Variants in KIF5C observed in about 807,000 individuals in gnomAD.
KIF5C encodes kinesin heavy chain isoform 5C.
In KIF5C, 18 loss-of-function variants were observed where a neutral mutation model predicts 125.2. The ratio of observed to expected loss-of-function variants is 0.14; its 90% confidence interval spans 0.10 to 0.21. The LOEUF (loss-of-function observed/expected upper bound fraction) is 0.21. KIF5C is among the 10% of genes least tolerant of loss of function. The pLI, the probability that KIF5C is intolerant of heterozygous loss-of-function variation, is 1.00. For synonymous variants in KIF5C, 405 were observed against 434.0 expected, an observed-to-expected ratio of 0.93 and a Z score of 0.83; for missense variants, 780 against 1,183.8, an observed-to-expected ratio of 0.66 and a Z score of 5.01.
At position 149,012,310 on chromosome 2, in the gene KIF5C, CTG is replaced by C. The variant is rs147341808; in HGVS notation, c.*7+629_*7+630del. Among the ~76,000 whole-genome samples, 9 of 152,320 alleles carry C rather than the reference CTG, an allele frequency of 5.9e-5. No homozygotes were observed. In the East Asian group the frequency reaches 1.5e-3, roughly 26 times the overall value. Reference sequence around the variant, plus strand: ...AAAGAGAAGAAGCAGAGAGCGAAAACTGTCATCCTGATGGAAATGGAGAAAAG... The same window carrying C: ...AAAGAGAAGAAGCAGAGAGCGAAAACTCATCCTGATGGAAATGGAGAAAAG... On this transcript the variant is annotated intron_variant, in intron 25 of 25. Transcript: ENST00000435030.
chr2:148,926,613 G>A (rs896398661), intron 2 of KIF5C, among the ~76,000 whole-genome samples: 1 of 152,162 alleles, frequency 6.6e-6, no homozygotes, highest in Non-Finnish European at 1.5e-5. Flanking sequence ...TGTGGTCGCG[G>A]TGGCCATAGA....
chr2:148,944,387 A>G (rs1682478004), intron 7 of KIF5C, among the ~76,000 whole-genome samples: 1 of 152,230 alleles, frequency 6.6e-6, no homozygotes, highest in Non-Finnish European at 1.5e-5. Flanking sequence ...ACCTCATGTA[A>G]GTGGAATCAT....
chr2:148,933,032 C>T (rs1282836557), intron 3 of KIF5C, among the ~76,000 whole-genome samples: 2 of 152,104 alleles, frequency 1.3e-5, no homozygotes, highest in Admixed American at 6.5e-5. Flanking sequence ...ATTTGCTTTC[C>T]GGGAGAAACA....
At chr2:149,000,695 G>T in intron 20 of KIF5C, 27 bp from the exon 21 acceptor site, 1 of 1,612,874 alleles carries the variant, frequency 6.2e-7, no homozygotes, top group Non-Finnish European at 8.5e-7. Flanking sequence ...CCCCTGTGGT[G>T]GTCTATGGTT....
At chr2:148,879,333 T>C (rs1681282228) in intron 1 of KIF5C, 3 of 152,254 alleles carry the variant, frequency 2.0e-5, no homozygotes, top group Admixed American at 2.0e-4. Context: ...AACTTTACTT[T>C]GGTATATTTA....
At chr2:149,000,386 T>C in intron 19 of KIF5C, 37 bp from the exon 20 acceptor site, 4 of 1,542,222 alleles carry the variant, frequency 2.6e-6, no homozygotes, top group Non-Finnish European at 3.5e-6. Context: ...AATTTCAGAC[T>C]GATGTGGAAT....
chr2:148,884,885 G>A (rs1681467841), intron 1 of KIF5C, among the ~76,000 whole-genome samples: 2 of 151,988 alleles, frequency 1.3e-5, no homozygotes, highest in South Asian at 2.1e-4. Flanking sequence ...GTAGAGTCAG[G>A]TGTGGTGGTA....
At chr2:148,990,096 G>A (rs1681485942) in intron 15 of KIF5C, among the ~76,000 whole-genome samples, 1 of 152,170 alleles carries the variant, frequency 6.6e-6, no homozygotes, top group Admixed American at 6.5e-5. Context: ...CTGCACTCTG[G>A]TGGCTAAACA....
Position 148,875,575 on chromosome 2 carries a change from G to GGGCCCCCCCC in KIF5C, c.-43_-42insGGCCCCCCCC. 1.4e-6 allele frequency: 1 copy of GGGCCCCCCCC among 699,600 alleles called. No individual in the cohort carries two copies. The highest frequency in any genetic ancestry group is 2.6e-6 in the Non-Finnish European group (1 of 389,226). 43.3% of individuals were successfully genotyped at this position (699,600 alleles called of 1,614,324 possible). ...TCCTCCCTCGTCGTTCCCGGCCCCG[G>GGGCCCCCCCC]CCCCCCACCCATCCCCGTGCCCCCT... On this transcript the variant is annotated 5_prime_UTR_variant, in exon 1 of 26. Coordinates refer to ENST00000435030, the MANE Select transcript of KIF5C (RefSeq NM_004522.3).
In KIF5C at chr2:148,973,420, A is replaced by G; in HGVS notation, c.1202A>G (p.Asn401Ser). The G allele has an allele frequency of 6.2e-7, 1 of 1,613,772 alleles. No homozygotes were observed. The highest frequency in any genetic ancestry group is 8.5e-7 in the Non-Finnish European group (1 of 1,179,734). Residue 401 changes from asparagine to serine, a missense_variant, in exon 12 of 26, where the codon AAT becomes AGT. By Grantham distance (46) the Asn-to-Ser change is conservative. This residue lies in a region of KIF5C where 573 missense variants were observed against 742.6 expected (regional missense o/e 0.77). Transcript: ENST00000435030. ...EPCDNTPIID[N>S]IAPVVAGIST... ...TGTGATAACACCCCCATCATAGACA[A>G]TATTGCTCCTGTTGTTGCTGGCATC...
intron 1 of KIF5C, among the ~76,000 whole-genome samples, chr2:148,900,461 A>G (rs868340324): frequency 4.6e-5 from 7 of 152,080 alleles, no homozygotes; most frequent in Non-Finnish European, 1.0e-4. Flanking sequence ...TTTTCCTTCC[A>G]TGAGTGCAGA....
chr2:148,904,795 C>G (rs1181659681), intron 1 of KIF5C, among the ~76,000 whole-genome samples: 2 of 152,138 alleles, frequency 1.3e-5, no homozygotes, highest in African/African-American at 2.4e-5. Context: ...AGAACTAACT[C>G]TAGTATTTAG....
intron 15 of KIF5C, among the ~76,000 whole-genome samples, chr2:148,985,168 A>G (rs1681345302): frequency 6.6e-6 from 1 of 152,196 alleles, no homozygotes; most frequent in Non-Finnish European, 1.5e-5. Context: ...AAAGTTGTCC[A>G]GAAACTAGGA....
chr2:148,904,437 C>G (rs964806929), intron 1 of KIF5C, among the ~76,000 whole-genome samples: 8 of 152,154 alleles, frequency 5.3e-5, no homozygotes, highest in Non-Finnish European at 1.0e-4. Flanking sequence ...GATTGAACAG[C>G]ACATATATGA....
rs1472830382 is a variant in KIF5C at position 148,875,453 on chromosome 2, G to C, written c.-165G>C. On this transcript the variant is annotated 5_prime_UTR_variant, in exon 1 of 26. Transcript: ENST00000435030. ...CCACCTTCCCGGGCTCGGAGCGGCCGGGGCTGCTCAGCCGGCCGGGCTCGC... is the reference window on the plus strand; with the variant it reads ...CCACCTTCCCGGGCTCGGAGCGGCCCGGGCTGCTCAGCCGGCCGGGCTCGC... 1 of 595,902 alleles carries C rather than the reference G, an allele frequency of 1.7e-6. No individual in the cohort carries two copies. The highest frequency in any genetic ancestry group is 2.1e-5 in the South Asian group (1 of 48,696). The allele number at this position is 595,902 out of a possible 1,614,324, so 36.9% of individuals were successfully genotyped here. A position where few individuals can be genotyped will look rare whatever the true frequency, so the allele number is the denominator to read the frequency against.
At chr2:148,913,308 A>G (rs1681415992) in intron 1 of KIF5C, among the ~76,000 whole-genome samples, 1 of 152,192 alleles carries the variant, frequency 6.6e-6, no homozygotes, top group Non-Finnish European at 1.5e-5. Context: ...TTTGCCTTCC[A>G]CATGGCCATG....
At chr2:149,005,665 T>C (rs1486147107) in intron 22 of KIF5C, among the ~76,000 whole-genome samples, 1 of 152,234 alleles carries the variant, frequency 6.6e-6, no homozygotes, top group African/African-American at 2.4e-5. Context: ...TTTTTCCTTC[T>C]TGGTAAAAGG....
rs140038269 is a variant in KIF5C, at chr2:148,936,010, G to A, written c.292-1274G>A. On this transcript the variant is annotated intron_variant, in intron 3 of 25. Transcript: ENST00000435030. The stretch of plus-strand genomic sequence containing the variant: ...GAGCTTTGCTGGAGGCCAGACTGCC[G>A]GACGTGGTGGCTCATGCCTGTAATC... 1.5e-3 allele frequency among the ~76,000 whole-genome samples: 222 copies of A among 152,292 alleles called. 1 individual carries two copies. The highest frequency in any genetic ancestry group is 5.0e-3 in the African/African-American group (207 of 41,578).
chr2:148,932,621 C>A (rs1201263425), intron 3 of KIF5C, among the ~76,000 whole-genome samples: 1 of 152,160 alleles, frequency 6.6e-6, no homozygotes, highest in Non-Finnish European at 1.5e-5. Context: ...AAGGGCCTCT[C>A]CTGGCCCCGT....
Sources: gnomAD v4.1 joint callset for allele counts (sites outside exome capture counted in the v4.1 genomes callset) on GRCh38, gnomAD v4.1.1 for gene constraint, gnomAD v4.1.1 regional missense constraint, MANE v1.5 for transcripts, NCBI Gene and HGNC (gene_info 2026-07-23, HGNC 2026-07-21) for gene names.